Variants in NPIPB9 observed in about 807,000 individuals in gnomAD.
The protein encoded by NPIPB9 is nuclear pore complex-interacting protein family member B9.
Under a neutral mutation model 5.6 loss-of-function variants are expected in NPIPB9, and 1 was observed. The ratio of observed to expected loss-of-function variants is 0.18; its 90% confidence interval spans 0.06 to 0.84. The LOEUF (loss-of-function observed/expected upper bound fraction) is 0.84. Among genes scored for constraint, NPIPB9 ranks in the 40% least tolerant of loss-of-function variants. The pLI, the probability that NPIPB9 is intolerant of heterozygous loss-of-function variation, is 0.70. For missense variants in NPIPB9, 3 were observed against 39.1 expected (o/e 0.08, Z 2.46); for synonymous variants, 2 against 12.5 (o/e 0.16, Z 1.77).
At chr16:28,753,318 T>C (rs1177317694) in intron 1 of NPIPB9, among the ~76,000 whole-genome samples, 2 of 86,802 alleles carry the variant, frequency 2.3e-5, no homozygotes, top group Non-Finnish European at 5.1e-5. Context: ...ATAAAAGAAT[T>C]AACCACATCA....
In NPIPB9 at chr16:28,753,177, CA is replaced by C. The variant is rs768080083; in HGVS notation, c.25+600del. 3.4e-3 allele frequency among the ~76,000 whole-genome samples: 144 copies of C among 42,734 alleles called. 3 individuals are homozygous for C. The highest frequency in any genetic ancestry group is 7.5e-3 in the Middle Eastern group (1 of 134). 28.0% of individuals were successfully genotyped at this position (42,734 alleles called of 152,430 possible). A position where few individuals can be genotyped will look rare whatever the true frequency, so the allele number is the denominator to read the frequency against. On this transcript the variant is annotated intron_variant, in intron 1 of 7. Coordinates refer to ENST00000550983, the Ensembl canonical transcript of NPIPB9. ...ACTGTGCGACAGAGCGAGACTCTGT[CA>C]AAAAAAAAAAAAAATTATCCTGCAA...
intron 1 of NPIPB9, among the ~76,000 whole-genome samples, chr16:28,753,527 T>TACACACAC (rs1207972280): frequency 4.9e-5 from 2 of 40,670 alleles, no homozygotes; most frequent in East Asian, 4.4e-4. Flanking sequence ...CACACACACA[T>TACACACAC]ACATACACAC....
At chr16:28,754,944 C>T (rs1207106938) in intron 1 of NPIPB9, among the ~76,000 whole-genome samples, 2 of 126,932 alleles carry the variant, frequency 1.6e-5, no homozygotes, top group East Asian at 5.3e-4. Context: ...CTCTGACTGC[C>T]TCAGTTACCC....
At chr16:28,761,945 A>T (rs1444064626) in intron 2 of NPIPB9, among the ~76,000 whole-genome samples, 2 of 32,412 alleles carry the variant, frequency 6.2e-5, no homozygotes, top group African/African-American at 5.9e-4. Flanking sequence ...AGTGTATGTT[A>T]TGTGTGGCTC....
intron 3 of NPIPB9, among the ~76,000 whole-genome samples, chr16:28,765,536 T>C (rs861403): frequency 0.2 from 4,224 of 21,174 alleles, 579 homozygotes; most frequent in Admixed American, 0.32. Context: ...CTCAGCCTCC[T>C]GACTAGCTGG....
chr16:28,769,753 C>G (rs1165678600), intron 5 of NPIPB9, among the ~76,000 whole-genome samples: 49 of 148,358 alleles, frequency 3.3e-4, no homozygotes, highest in African/African-American at 1.2e-3. Context: ...TTACCAGTGA[C>G]CAAAAGATGT....
intron 3 of NPIPB9, among the ~76,000 whole-genome samples, chr16:28,764,973 G>A (rs1349459380): frequency 4.3e-3 from 10 of 2,344 alleles, no homozygotes; most frequent in East Asian, 0.023. Flanking sequence ...AACTCAGAGA[G>A]CTGAAGGTAA....
rs371792719 is a variant in NPIPB9, at chr16:28,760,616, G to A, written c.112-1635G>A. Among the ~76,000 whole-genome samples, 6 of 41,536 alleles carry A rather than the reference G, an allele frequency of 1.4e-4. 1 individual carries two copies. Among genetic ancestry groups the A allele is most frequent in the African/African-American group, 6.2e-4 (3 of 4,814 alleles). 27.2% of individuals were successfully genotyped at this position (41,536 alleles called of 152,430 possible). On this transcript the variant is annotated intron_variant, in intron 2 of 7. Transcript: ENST00000550983. ...TGAGATTGCAGGCGTGAGCCACCAC[G>A]CCCAGCCCACCTTGTTAATTTTTAA...
chr16:28,765,721 TTGTGTG>T (rs761146509), intron 3 of NPIPB9, among the ~76,000 whole-genome samples: 40 of 37,992 alleles, frequency 1.1e-3, no homozygotes, highest in South Asian at 4.5e-3. Flanking sequence ...CATGTCATTC[TTGTGTG>T]TGTGTGTGTG....
At chr16:28,758,559 C>G (rs1422647257) in intron 2 of NPIPB9, 2 of 64,748 alleles carry the variant, frequency 3.1e-5, no homozygotes, top group African/African-American at 3.9e-4. Context: ...CCTCCCCTTC[C>G]CCTCCCCCTC....
intron 5 of NPIPB9, chr16:28,768,678 CT>C: frequency 5.6e-6 from 1 of 178,858 alleles, no homozygotes; most frequent in Non-Finnish European, 6.5e-6. Context: ...CAAACTTACC[CT>C]TTTTAGGCCA....
chr16:28,752,372 T>C lies in NPIPB9; in HGVS notation c.-196T>C. The C allele has an allele frequency of 6.6e-6, 7 of 1,054,636 alleles. 1 individual carries two copies. In the South Asian group the frequency reaches 9.6e-5, roughly 14 times the overall value. The allele number at this position is 1,054,636 out of a possible 1,614,324, so 65.3% of individuals were successfully genotyped here. A position where few individuals can be genotyped will look rare whatever the true frequency, so the allele number is the denominator to read the frequency against. ...CCTTTTCTGAAGCCCTTGACCACTA[T>C]AGACTCAAACATCACCTTGTTTTTC... On this transcript the variant is annotated 5_prime_UTR_variant, in exon 1 of 8. Transcript: ENST00000550983.
At position 28,769,753 on chromosome 16, in the gene NPIPB9, C is replaced by T. The variant is rs1165678600; in HGVS notation, c.591-835C>T. Among the ~76,000 whole-genome samples the T allele has an allele frequency of 8.1e-5, 12 of 148,270 alleles. 2 individuals are homozygous for T. Among genetic ancestry groups the T allele is most frequent in the Admixed American group, 6.1e-4 (9 of 14,750 alleles). On this transcript the variant is annotated intron_variant, in intron 5 of 7. Transcript: ENST00000550983. ...AAAGTACCTTAATATTTACCAGTGA[C>T]CAAAAGATGTGAAGTAGCAAAACGG...
chr16:28,765,578 AT>A (rs1358591438), intron 3 of NPIPB9, among the ~76,000 whole-genome samples: 2 of 34,816 alleles, frequency 5.7e-5, no homozygotes, highest in African/African-American at 1.8e-4. Context: ...TGCCTGGCTA[AT>A]TTTGTATTTT....
chr16:28,769,939 C>T (rs1481101870), intron 5 of NPIPB9, among the ~76,000 whole-genome samples: 7 of 132,360 alleles, frequency 5.3e-5, no homozygotes, highest in Non-Finnish European at 1.0e-4. Flanking sequence ...GCTGTTTCTG[C>T]CCTGTGAAAC....
At chr16:28,765,101 A>ATTTTT (rs1160508157) in intron 3 of NPIPB9, among the ~76,000 whole-genome samples, 86 of 40,108 alleles carry the variant, frequency 2.1e-3, no homozygotes, top group Non-Finnish European at 3.7e-3. Flanking sequence ...TATTCATGTC[A>ATTTTT]TTTTTTTTTT....
chr16:28,765,403 ATTTTTTTTTT>A (rs1206825669), intron 3 of NPIPB9, among the ~76,000 whole-genome samples: 1 of 34,276 alleles, frequency 2.9e-5, no homozygotes, highest in African/African-American at 2.1e-4. Context: ...CACCTGGGCT[ATTTTTTTTTT>A]TTTTTTTTTT....
intron 1 of NPIPB9, among the ~76,000 whole-genome samples, chr16:28,753,531 TACACACACACACACACAC>T (rs1158927991): frequency 1.6e-3 from 67 of 42,016 alleles, no homozygotes; most frequent in African/African-American, 4.8e-3. Context: ...CACACATACA[TACACACACACACACACAC>T]ACACACACAC....
At chr16:28,754,844 T>C in intron 1 of NPIPB9, among the ~76,000 whole-genome samples, 1 of 140,672 alleles carries the variant, frequency 7.1e-6, no homozygotes, top group African/African-American at 2.6e-5. Context: ...ACCAACATGA[T>C]GAAACAGAGT....
Sources: gnomAD v4.1 joint callset for allele counts (sites outside exome capture counted in the v4.1 genomes callset) on GRCh38, gnomAD v4.1.1 for gene constraint, MANE v1.5 for transcripts, NCBI Gene and HGNC (gene_info 2026-07-23, HGNC 2026-07-21) for gene names.